The following OTUD4 variants were observed in gnomAD, a reference collection of about 807,000 sequenced individuals.
OTUD4 encodes the protein OTU domain-containing protein 4.
Under a neutral mutation model 130.4 loss-of-function variants are expected in OTUD4, and 24 were observed. That is an observed-to-expected ratio of 0.18 (90% CI 0.13 to 0.26). The LOEUF is 0.26. OTUD4 is among the 10% of genes least tolerant of loss of function. The probability of loss-of-function intolerance (pLI) is 1.00; values close to 1 mark genes in which losing one functional copy is unlikely to be tolerated. For synonymous variants in OTUD4, 420 were observed against 472.5 expected, an observed-to-expected ratio of 0.89 and a Z score of 1.44; for missense variants, 1,031 against 1,329.4, an observed-to-expected ratio of 0.78 and a Z score of 3.49.
At chr4:145,170,952 T>G (rs1752132924) in intron 3 of OTUD4, 2 of 152,204 alleles carry the variant, frequency 1.3e-5, no homozygotes, top group Admixed American at 6.5e-5. Flanking sequence ...TATCCTTTTC[T>G]GTCTCAACAG....
chr4:145,174,584 T>C (rs910601179), intron 2 of OTUD4, 77 bp downstream of exon 2: 2 of 783,654 alleles, frequency 2.6e-6, no homozygotes, highest in East Asian at 2.5e-5. Context: ...GCCTGTGAAA[T>C]TCTACTAGAA....
chr4:145,144,402 A>G lies in OTUD4; in HGVS notation c.1455T>C (p.Ser485=), dbSNP rs200080490. ...SSSVNQSASQ[S]SNPCVQRKSS... is the part of the protein sequence containing the mutation. The stretch of plus-strand genomic sequence containing the variant: ...ATTTTCTCTGGACACATGGATTGCT[A>G]CTCTGAGAAGCTGACTGATTGACTG... The change falls in exon 15 of 21, where the codon AGT becomes AGC. Residue 485 remains serine (S), a synonymous_variant. Coordinates refer to ENST00000447906, the MANE Select transcript of OTUD4 (RefSeq NM_001366057.1). 2 of 1,611,990 alleles carry G rather than the reference A, an allele frequency of 1.2e-6. No individual in the cohort carries two copies. The highest frequency in any genetic ancestry group is 3.3e-5 in the Admixed American group (2 of 59,786).
chr4:145,158,008 C>T (rs1751375411), intron 7 of OTUD4, among the ~76,000 whole-genome samples: 1 of 152,188 alleles, frequency 6.6e-6, no homozygotes, highest in Admixed American at 6.5e-5. Flanking sequence ...CCAATGTCCC[C>T]CATGCTCAAT....
At chr4:145,168,475 C>T (rs927733720) in intron 3 of OTUD4, among the ~76,000 whole-genome samples, 5 of 138,616 alleles carry the variant, frequency 3.6e-5, no homozygotes, top group East Asian at 2.2e-4. Context: ...ATTTGTAGAA[C>T]ACATATCCAA....
rs1461668196 is a variant in OTUD4 at position 145,138,141 on chromosome 4, C to A, written c.2634G>T (p.Gln878His). 1 of 1,613,858 alleles carries A rather than the reference C, an allele frequency of 6.2e-7. No homozygotes were observed. The highest frequency in any genetic ancestry group is 8.5e-7 in the Non-Finnish European group (1 of 1,179,874). Reference sequence around the variant, plus strand: ...TTTCATCAGAGGGCAGGACAATATTCTGCCTCATTACTGGATTTTCTATGA... The same window carrying A: ...TTTCATCAGAGGGCAGGACAATATTATGCCTCATTACTGGATTTTCTATGA... Reference protein sequence around the residue: ...QGFIENPVMRQNIVLPSDEKG... With the variant: ...QGFIENPVMRHNIVLPSDEKG... Residue 878 changes from glutamine to histidine, a missense_variant, in exon 21 of 21, where the codon CAG (glutamine) becomes CAT (histidine). Gln to His is a conservative substitution (Grantham distance 24, BLOSUM62 0). Coordinates refer to ENST00000447906, the MANE Select transcript of OTUD4 (RefSeq NM_001366057.1).
Position 145,136,781 on chromosome 4 carries a change from G to C in OTUD4, c.*649C>G, listed in dbSNP as rs1750292920. The C allele has an allele frequency of 6.6e-6, 1 of 152,420 alleles. No homozygotes were observed. Among genetic ancestry groups the C allele is most frequent in the Non-Finnish European group, 1.5e-5 (1 of 67,986 alleles). The allele number at this position is 152,420 out of a possible 1,614,324, so 9.4% of individuals were successfully genotyped here. On this transcript the variant is annotated 3_prime_UTR_variant, in exon 21 of 21. Coordinates refer to ENST00000447906, the MANE Select transcript of OTUD4 (RefSeq NM_001366057.1). ...AAAATATACCTTATGAATATTAAAA[G>C]AACTATATACAACATTGCTAAGACA...
At chr4:145,145,341 C>T (rs1164942314) in intron 14 of OTUD4, among the ~76,000 whole-genome samples, 3 of 152,098 alleles carry the variant, frequency 2.0e-5, no homozygotes, top group African/African-American at 4.8e-5. Flanking sequence ...TAAATGGATT[C>T]GGCACTTCTT....
intron 6 of OTUD4, among the ~76,000 whole-genome samples, 169 bp from the exon 7 acceptor site, chr4:145,159,804 G>A (rs1215296971): frequency 6.6e-6 from 1 of 152,176 alleles, no homozygotes; most frequent in African/African-American, 2.4e-5. Flanking sequence ...AGTTACCTAG[G>A]GTACAGCTAA....
chr4:145,139,676 G>A (rs1750462487), intron 20 of OTUD4, among the ~76,000 whole-genome samples: 1 of 152,178 alleles, frequency 6.6e-6, no homozygotes, highest in South Asian at 2.1e-4. Context: ...TTATTCCCCA[G>A]CAAGGGCATT....
chr4:145,143,663 C>T (rs1750688752), intron 16 of OTUD4, among the ~76,000 whole-genome samples: 1 of 152,126 alleles, frequency 6.6e-6, no homozygotes, highest in Non-Finnish European at 1.5e-5. Context: ...GGAGGCAAGG[C>T]TTCAAACATT....
chr4:145,141,701 AC>A, intron 18 of OTUD4, 62 bp from the exon 19 acceptor site: 3 of 1,403,934 alleles, frequency 2.1e-6, no homozygotes, highest in Non-Finnish European at 1.9e-6. Context: ...AAATATGCTT[AC>A]ATTAACCTAT....
At chr4:145,154,786 C>T (rs1189113159) in intron 10 of OTUD4, among the ~76,000 whole-genome samples, 1 of 151,602 alleles carries the variant, frequency 6.6e-6, no homozygotes, top group South Asian at 2.1e-4. Flanking sequence ...GTAGCACCCT[C>T]CCAGTTGTGA....
In OTUD4 at chr4:145,133,673, G is replaced by A. The variant is rs1189012554; in HGVS notation, c.*3757C>T. The A allele has an allele frequency of 6.6e-6, 1 of 152,532 alleles. No individual in the cohort carries two copies. The allele number at this position is 152,532 out of a possible 1,614,324, so 9.4% of individuals were successfully genotyped here. A position where few individuals can be genotyped will look rare whatever the true frequency, so the allele number is the denominator to read the frequency against. ...AATCAAGAGACAAAATTTAATATAT[G>A]CACACAGTTTTATATATAATGCAGC... is the stretch of plus-strand genomic sequence containing the variant. On this transcript the variant is annotated 3_prime_UTR_variant, in exon 21 of 21. Transcript: ENST00000447906.
At chr4:145,168,389 T>TA (rs1464617756) in intron 3 of OTUD4, among the ~76,000 whole-genome samples, 2 of 49,486 alleles carry the variant, frequency 4.0e-5, no homozygotes, top group East Asian at 4.3e-4. Flanking sequence ...CAAAAAAAAA[T>TA]AATAAATAAA....
rs1249221961 is a variant in OTUD4, at chr4:145,138,312, C to A, written c.2463G>T (p.Gln821His). The change falls in exon 21 of 21, where the codon CAG becomes CAT. Residue 821 changes from glutamine to histidine, a missense_variant. Gln to His is a conservative substitution (Grantham distance 24, BLOSUM62 0). Transcript: ENST00000447906. The stretch of plus-strand genomic sequence containing the variant: ...ACTCTTCATAATCAGCATGCAGAAG[C>A]TGCCCAGGGGTCTCAGATTCAAGAT... Reference protein sequence around the residue: ...QADLESETPGQLLHADYEESL... With the variant: ...QADLESETPGHLLHADYEESL... 1 of 1,614,108 alleles carries A rather than the reference C, an allele frequency of 6.2e-7. No homozygotes were observed. Among genetic ancestry groups the A allele is most frequent in the South Asian group, 1.1e-5 (1 of 91,072 alleles).
chr4:145,144,078 T>A, intron 15 of OTUD4, 77 bp from the exon 16 acceptor site: 2 of 1,246,640 alleles, frequency 1.6e-6, no homozygotes, highest in Non-Finnish European at 2.3e-6. Flanking sequence ...AATACGAAGA[T>A]AGAAGAAGCC....
At chr4:145,145,346 C>T (rs1423528849) in intron 14 of OTUD4, among the ~76,000 whole-genome samples, 3 of 152,138 alleles carry the variant, frequency 2.0e-5, no homozygotes, top group Admixed American at 1.3e-4. Context: ...GGATTCGGCA[C>T]TTCTTCCAAT....
chr4:145,179,788 AAG>A, intron 1 of OTUD4, 25 bp downstream of exon 1: 1 of 391,484 alleles, frequency 2.6e-6, no homozygotes, highest in Non-Finnish European at 4.2e-6. Flanking sequence ...CCTCCCCTCG[AAG>A]CCCTCCCCGC....
chr4:145,152,928 T>C (rs1751133342), intron 10 of OTUD4, among the ~76,000 whole-genome samples: 1 of 151,104 alleles, frequency 6.6e-6, no homozygotes, highest in South Asian at 2.1e-4. Context: ...AGAGACAGGG[T>C]TTCACCGTGT....
Sources: gnomAD v4.1 joint callset for allele counts (sites outside exome capture counted in the v4.1 genomes callset) on GRCh38, gnomAD v4.1.1 for gene constraint, MANE v1.5 for transcripts, NCBI Gene and HGNC (gene_info 2026-07-23, HGNC 2026-07-21) for gene names.